PCSK5: variants seen among roughly 807,000 people sequenced by gnomAD.
PCSK5 encodes the protein prohormone convertase 5.
Under a neutral mutation model 233.2 loss-of-function variants are expected in PCSK5, and 129 were observed. That is an observed-to-expected ratio of 0.55 (90% confidence interval 0.48 to 0.64). The LOEUF (loss-of-function observed/expected upper bound fraction) is 0.64, where lower values mean the gene tolerates loss of function less well. Ranked by LOEUF, PCSK5 falls within the 30% of genes least tolerant of loss-of-function variation. The pLI is 0.00. For missense variants in PCSK5, 2,076 were observed against 2,430.1 expected, an observed-to-expected ratio of 0.85 and a Z score of 3.06; for synonymous variants, 825 against 879.2, an observed-to-expected ratio of 0.94 and a Z score of 1.09.
intron 1 of PCSK5, among the ~76,000 whole-genome samples, chr9:75,925,738 A>T (rs1823457536): frequency 6.6e-6 from 1 of 152,184 alleles, no homozygotes; most frequent in South Asian, 2.1e-4. Context: ...GCTCTTGGTG[A>T]GTAAGGAAAG....
At chr9:76,151,206 G>A (rs188041221) in intron 10 of PCSK5, among the ~76,000 whole-genome samples, 70 of 152,196 alleles carry the variant, frequency 4.6e-4, no homozygotes, top group African/African-American at 1.7e-3. Context: ...AGCACATTGA[G>A]GATCAAAGAA....
chr9:76,347,301 TG>T (rs1291519511), intron 35 of PCSK5, among the ~76,000 whole-genome samples: 2 of 152,280 alleles, frequency 1.3e-5, no homozygotes, highest in Non-Finnish European at 1.5e-5. Flanking sequence ...TGAACTGCTC[TG>T]AGTTTTAAAG....
At chr9:75,957,560 T>C (rs1825149032) in intron 2 of PCSK5, among the ~76,000 whole-genome samples, 1 of 152,212 alleles carries the variant, frequency 6.6e-6, no homozygotes, top group Admixed American at 6.5e-5. Context: ...GGATTTTGGC[T>C]ACCATCTGTG....
chr9:76,288,447 C>T (rs1332062623), intron 24 of PCSK5, among the ~76,000 whole-genome samples: 2 of 152,146 alleles, frequency 1.3e-5, no homozygotes, highest in African/African-American at 4.8e-5. Context: ...GCTGGAAGTC[C>T]AGTTTCTTCA....
At chr9:75,970,298 TTC>T (rs1400377257) in intron 2 of PCSK5, among the ~76,000 whole-genome samples, 1 of 152,236 alleles carries the variant, frequency 6.6e-6, no homozygotes. Context: ...TTACAGGTTT[TTC>T]TCTTTCTTTT....
At chr9:76,328,975 A>ATTTTTTTTTTTTTTTTTTTTTTTTTTTT (rs59466685) in intron 33 of PCSK5, among the ~76,000 whole-genome samples, 4 of 123,726 alleles carry the variant, frequency 3.2e-5, no homozygotes, top group Non-Finnish European at 4.9e-5. Flanking sequence ...CTCCCGGCTA[A>ATTTTTTTTTTTTTTTTTTTTTTTTTTTT]TTTTTTTTTT....
At chr9:76,070,836 T>G (rs180898770) in intron 6 of PCSK5, among the ~76,000 whole-genome samples, 14 of 152,306 alleles carry the variant, frequency 9.2e-5, no homozygotes, top group Non-Finnish European at 1.3e-4. Context: ...AAAATCCTAC[T>G]GATGACAAGG....
At chr9:76,126,555 G>A (rs1832861321) in intron 9 of PCSK5, among the ~76,000 whole-genome samples, 1 of 152,154 alleles carries the variant, frequency 6.6e-6, no homozygotes, top group Non-Finnish European at 1.5e-5. Context: ...AGAGGTTGCA[G>A]TGAGCTGAGA....
intron 20 of PCSK5, chr9:76,194,625 T>C (rs1222651747): frequency 2.8e-6 from 1 of 358,900 alleles, no homozygotes; most frequent in Non-Finnish European, 5.6e-6. Flanking sequence ...TAAGAAATAT[T>C]TTCACTGGTT....
At chr9:76,190,597 T>TAGTTTTTAC (rs1483898926) in intron 20 of PCSK5, among the ~76,000 whole-genome samples, 1 of 151,982 alleles carries the variant, frequency 6.6e-6, no homozygotes, top group Non-Finnish European at 1.5e-5. Context: ...GAAGATTCTA[T>TAGTTTTTAC]AGTTTTTAGC....
intron 9 of PCSK5, among the ~76,000 whole-genome samples, chr9:76,118,744 C>T (rs186967803): frequency 1.8e-4 from 27 of 151,854 alleles, no homozygotes; most frequent in Admixed American, 3.3e-4. Context: ...ACACATTTTA[C>T]AAAACATATA....
intron 1 of PCSK5, among the ~76,000 whole-genome samples, chr9:75,924,119 G>A (rs62555876): frequency 0.029 from 4,471 of 151,748 alleles, 113 homozygotes; most frequent in Non-Finnish European, 0.038. Flanking sequence ...CATTTGGTGG[G>A]GAGCACTAAT....
intron 35 of PCSK5, among the ~76,000 whole-genome samples, chr9:76,342,142 A>G (rs2131502709): frequency 6.6e-6 from 1 of 152,192 alleles, no homozygotes; most frequent in East Asian, 1.9e-4. Context: ...CTTTATATTT[A>G]TTCTATAATT....
upstream of PCSK5, among the ~76,000 whole-genome samples, chr9:75,890,202 G>GTAAA (rs1231761970): frequency 2.0e-5 from 3 of 152,212 alleles, no homozygotes; most frequent in Non-Finnish European, 4.4e-5. Context: ...AGCAGAAAGT[G>GTAAA]TAAAATAAAC....
chr9:76,041,158 GA>G (rs2095360344), intron 5 of PCSK5, among the ~76,000 whole-genome samples: 1 of 152,026 alleles, frequency 6.6e-6, no homozygotes, highest in Admixed American at 6.6e-5. Context: ...ATTTCTCTTA[GA>G]ATTATATTTG....
chr9:76,297,556 T>C (rs932187830), intron 27 of PCSK5, among the ~76,000 whole-genome samples: 7 of 152,106 alleles, frequency 4.6e-5, no homozygotes, highest in Admixed American at 3.3e-4. Flanking sequence ...CACTTGAGCG[T>C]CAGTTATAGG....
At chr9:75,978,239 A>G (rs1189255193) in intron 2 of PCSK5, among the ~76,000 whole-genome samples, 1 of 152,120 alleles carries the variant, frequency 6.6e-6, no homozygotes, top group Non-Finnish European at 1.5e-5. Context: ...CACCTTACCT[A>G]TTTCTTGAGG....
intron 29 of PCSK5, among the ~76,000 whole-genome samples, chr9:76,309,871 A>T (rs959344601): frequency 2.6e-5 from 4 of 152,204 alleles, no homozygotes; most frequent in Admixed American, 6.5e-5. Flanking sequence ...CTTGGGTGTG[A>T]GAGTGATTTT....
intron 21 of PCSK5, among the ~76,000 whole-genome samples, chr9:76,232,547 T>G (rs1281522325): frequency 6.6e-6 from 1 of 152,186 alleles, no homozygotes; most frequent in Non-Finnish European, 1.5e-5. Flanking sequence ...AATTCTCAGC[T>G]GCCTCCCCTT....
Sources: allele counts gnomAD v4.1 joint callset (sites outside exome capture counted in the v4.1 genomes callset), GRCh38; gene constraint gnomAD v4.1.1; transcripts MANE v1.5; gene names NCBI Gene and HGNC (gene_info 2026-07-23, HGNC 2026-07-21).